Variants in SGCZ observed in about 807,000 individuals in gnomAD.
The protein encoded by SGCZ is sarcoglycan zeta, also known as zeta-sarcoglycan.
In SGCZ, 40 loss-of-function variants were observed where a neutral mutation model predicts 41.3. That is an observed-to-expected ratio of 0.97 (90% CI 0.75 to 1.26). The LOEUF is 1.26. SGCZ is among the 50% of genes most tolerant of loss of function. The pLI, the probability that SGCZ is intolerant of heterozygous loss-of-function variation, is 0.00. For synonymous variants in SGCZ, 206 were observed against 137.5 expected (o/e 1.50, Z -3.49); for missense variants, 552 against 369.8 (o/e 1.49, Z -4.04).
In SGCZ at chr8:15,148,377, C is replaced by G. The variant is rs150483990; in HGVS notation, c.39+89208G>C. Among the ~76,000 whole-genome samples, 9 of 152,210 alleles carry G rather than the reference C, an allele frequency of 5.9e-5. No homozygotes were observed. In the East Asian group the frequency reaches 1.7e-3, roughly 29 times the overall value. Reference sequence around the variant, plus strand: ...ATTCTGGAAAAAGATGCCTCGATGTCAGTTTGATTTTTGCTCATTTGCTGC... The same window carrying G: ...ATTCTGGAAAAAGATGCCTCGATGTGAGTTTGATTTTTGCTCATTTGCTGC... On this transcript the variant is annotated intron_variant, in intron 1 of 7. Transcript: ENST00000382080.
chr8:14,179,458 A>C (rs1361933368), intron 4 of SGCZ, among the ~76,000 whole-genome samples: 3 of 152,170 alleles, frequency 2.0e-5, no homozygotes, highest in African/African-American at 7.2e-5. Context: ...AGCTACCACA[A>C]GGGTTCCTGC....
At chr8:15,222,301 C>A (rs1293532317) in intron 1 of SGCZ, among the ~76,000 whole-genome samples, 3 of 152,090 alleles carry the variant, frequency 2.0e-5, no homozygotes, top group Non-Finnish European at 4.4e-5. Context: ...TTGGGTCAGG[C>A]ATTTCACCAT....
At chr8:15,128,580 G>A (rs1469671968) in intron 1 of SGCZ, among the ~76,000 whole-genome samples, 2 of 152,158 alleles carry the variant, frequency 1.3e-5, no homozygotes, top group African/African-American at 2.4e-5. Flanking sequence ...CTCTCTCACT[G>A]CTGGTGACAA....
chr8:14,698,853 CAT>C (rs1319355890), intron 1 of SGCZ, among the ~76,000 whole-genome samples: 3 of 151,974 alleles, frequency 2.0e-5, no homozygotes, highest in Non-Finnish European at 4.4e-5. Context: ...AGTGTGAACA[CAT>C]GTCTCCTCAT....
chr8:15,139,514 TTG>T (rs954755570), intron 1 of SGCZ, among the ~76,000 whole-genome samples: 9 of 152,136 alleles, frequency 5.9e-5, no homozygotes, highest in Non-Finnish European at 1.2e-4. Flanking sequence ...ATAAATATTA[TTG>T]TGTATATTTA....
chr8:14,316,593 C>T lies in SGCZ; in HGVS notation c.336+7510G>A, dbSNP rs550577512. Among the ~76,000 whole-genome samples the T allele has an allele frequency of 2.0e-5, 3 of 152,020 alleles. No homozygotes were observed. The East Asian group carries it at 5.8e-4, about 29-fold the overall frequency. On this transcript the variant is annotated intron_variant, in intron 3 of 7. Coordinates refer to ENST00000382080, the MANE Select transcript of SGCZ (RefSeq NM_139167.4). ...CAGAGGCTGTTTTGCACTCTTTCAA[C>T]CCGGAAACACTTTCACCTTTCTTCT...
At chr8:14,744,832 T>C (rs576127563) in intron 1 of SGCZ, among the ~76,000 whole-genome samples, 1 of 152,244 alleles carries the variant, frequency 6.6e-6, no homozygotes, top group East Asian at 1.9e-4. Flanking sequence ...AAAGAGGCAA[T>C]ACAAAGGTTT....
At position 15,193,552 on chromosome 8, in the gene SGCZ, G is replaced by A. The variant is rs576084110; in HGVS notation, c.39+44033C>T. On this transcript the variant is annotated intron_variant, in intron 1 of 7. Transcript: ENST00000382080. The stretch of plus-strand genomic sequence containing the variant: ...CCAGCAACAAAACCTGACACATAAA[G>A]GAGTGAAATAAATGACCAATGCCCA... Among the ~76,000 whole-genome samples the A allele has an allele frequency of 1.8e-3, 280 of 152,120 alleles. 4 individuals carry two copies. Among genetic ancestry groups the A allele is most frequent in the African/African-American group, 6.4e-3 (264 of 41,420 alleles).
intron 3 of SGCZ, among the ~76,000 whole-genome samples, chr8:14,312,407 A>G (rs547047965): frequency 1.3e-5 from 2 of 152,250 alleles, no homozygotes; most frequent in Admixed American, 1.3e-4. Flanking sequence ...CGTACATGCA[A>G]ATATGTGATT....
intron 1 of SGCZ, among the ~76,000 whole-genome samples, chr8:15,183,484 G>A (rs533342826): frequency 2.0e-5 from 3 of 152,294 alleles, no homozygotes; most frequent in Non-Finnish European, 4.4e-5. Flanking sequence ...GCACTTGACT[G>A]CATAATACAC....
chr8:14,486,319 CTAAATA>C (rs1801673642), intron 2 of SGCZ, among the ~76,000 whole-genome samples: 1 of 152,128 alleles, frequency 6.6e-6, no homozygotes, highest in African/African-American at 2.4e-5. Context: ...GTAAGAACCA[CTAAATA>C]CGGGTGTCTG....
At chr8:14,305,429 G>C (rs193221765) in intron 3 of SGCZ, among the ~76,000 whole-genome samples, 1 of 152,128 alleles carries the variant, frequency 6.6e-6, no homozygotes. Flanking sequence ...GAGGTTTCAT[G>C]AGGTCTATAT....
At chr8:14,357,762 A>T (rs1381681200) in intron 2 of SGCZ, among the ~76,000 whole-genome samples, 2 of 152,194 alleles carry the variant, frequency 1.3e-5, no homozygotes, top group Non-Finnish European at 2.9e-5. Context: ...TGCAGCTGAG[A>T]AAATTGAGGC....
At chr8:14,938,654 G>A (rs908677636) in intron 1 of SGCZ, among the ~76,000 whole-genome samples, 2 of 151,980 alleles carry the variant, frequency 1.3e-5, no homozygotes, top group East Asian at 3.9e-4. Flanking sequence ...CTATGTCCAT[G>A]GAATACTATT....
intron 1 of SGCZ, among the ~76,000 whole-genome samples, chr8:14,792,913 T>A (rs1212376177): frequency 6.6e-6 from 1 of 152,186 alleles, no homozygotes; most frequent in Non-Finnish European, 1.5e-5. Context: ...TGGTTTTAAA[T>A]ACTATTGGCA....
intron 5 of SGCZ, among the ~76,000 whole-genome samples, chr8:14,122,589 A>G (rs1012765697): frequency 4.6e-5 from 7 of 152,260 alleles, no homozygotes; most frequent in Admixed American, 4.6e-4. Flanking sequence ...TAAAACTATT[A>G]GAACACTAGT....
chr8:14,818,590 AG>A lies in SGCZ; in HGVS notation c.40-263665del, dbSNP rs761012684. On this transcript the variant is annotated intron_variant, in intron 1 of 7. Transcript: ENST00000382080. ...TCTCCACTAACAGAACCCAAAGCAA[AG>A]GACATTTACAGAATATCTGAAAAGG... is the stretch of plus-strand genomic sequence containing the variant. 1.0e-3 allele frequency among the ~76,000 whole-genome samples: 152 copies of A among 152,290 alleles called. 1 individual carries two copies. The highest frequency in any genetic ancestry group is 7.3e-4 in the Non-Finnish European group (50 of 68,028).
chr8:14,762,565 G>A (rs1799921056), intron 1 of SGCZ, among the ~76,000 whole-genome samples: 1 of 152,158 alleles, frequency 6.6e-6, no homozygotes. Flanking sequence ...TGAGAGCTTT[G>A]TTAATTGAAA....
chr8:14,402,285 G>T (rs565090459), intron 2 of SGCZ, among the ~76,000 whole-genome samples: 4,378 of 148,792 alleles, frequency 0.029, 210 homozygotes, highest in African/African-American at 0.1. Flanking sequence ...AGAAGCTCTT[G>T]AGTTTAATTA....
Sources: gnomAD v4.1 joint callset for allele counts (sites outside exome capture counted in the v4.1 genomes callset) on GRCh38, gnomAD v4.1.1 for gene constraint, MANE v1.5 for transcripts, NCBI Gene and HGNC (gene_info 2026-07-23, HGNC 2026-07-21) for gene names.